Variants in SIPA1L3 observed in about 807,000 individuals in gnomAD.
The protein encoded by SIPA1L3 is signal-induced proliferation-associated 1-like protein 3.
In SIPA1L3, 59 loss-of-function variants were observed where a neutral mutation model predicts 150.1. That is an observed-to-expected ratio of 0.39 (90% CI 0.32 to 0.49). The LOEUF is 0.49. SIPA1L3 is among the 20% of genes least tolerant of loss of function. SIPA1L3 has a pLI of 0.86. For synonymous variants in SIPA1L3, 1,070 were observed against 1,077.6 expected (o/e 0.99, Z 0.14); for missense variants, 2,211 against 2,489.5 (o/e 0.89, Z 2.38).
At chr19:37,921,633 C>G (rs1282837932) in intron 1 of SIPA1L3, among the ~76,000 whole-genome samples, 1 of 149,732 alleles carries the variant, frequency 6.7e-6, no homozygotes, top group Non-Finnish European at 1.5e-5. Context: ...CAAGGTCTTG[C>G]TCTTTCACCC....
At position 38,046,183 on chromosome 19, in the gene SIPA1L3, C is replaced by A. The variant is rs1969053365; in HGVS notation, c.-311+17027C>A. On this transcript the variant is annotated intron_variant, in intron 2 of 21. Coordinates refer to ENST00000222345, the MANE Select transcript of SIPA1L3 (RefSeq NM_015073.3). The surrounding 1 kb of genome is among the most constrained non-coding windows in gnomAD (Gnocchi z 5.6). ...GGTGCCCTGGTTCTCGACTCATCAG[C>A]CTCTAGGAAAGAAGCAGCTTGCTGG... Among the ~76,000 whole-genome samples the A allele has an allele frequency of 6.6e-6, 1 of 152,104 alleles. No individual in the cohort carries two copies. The highest frequency in any genetic ancestry group is 2.1e-4 in the South Asian group (1 of 4,824).
chr19:38,197,019 T>C (rs573109013), intron 18 of SIPA1L3, among the ~76,000 whole-genome samples: 2 of 152,276 alleles, frequency 1.3e-5, no homozygotes, highest in South Asian at 4.1e-4. Context: ...ATACCTCATA[T>C]GTAGTCAGCA....
At chr19:38,178,331 C>T (rs1477060877) in intron 15 of SIPA1L3, among the ~76,000 whole-genome samples, 3 of 151,786 alleles carry the variant, frequency 2.0e-5, no homozygotes, top group Non-Finnish European at 2.9e-5. Flanking sequence ...AGCAAGACCC[C>T]GTCCCTAGAT....
intron 12 of SIPA1L3, among the ~76,000 whole-genome samples, chr19:38,150,297 CCCCTTGAAACACCTCT>C (rs1482078125): frequency 2.6e-5 from 4 of 152,026 alleles, no homozygotes; most frequent in Admixed American, 2.6e-4. Context: ...GAGTGCAGTG[CCCCTTGAAACACCTCT>C]CTACTGTGCT....
intron 1 of SIPA1L3, among the ~76,000 whole-genome samples, chr19:37,931,885 T>G (rs1444367675): frequency 6.6e-6 from 1 of 152,252 alleles, no homozygotes; most frequent in Admixed American, 6.5e-5. Flanking sequence ...TTCGTTGAAC[T>G]TCTCATCTGT....
At chr19:38,109,997 G>T (rs951089356) in intron 7 of SIPA1L3, 6 of 521,604 alleles carry the variant, frequency 1.2e-5, no homozygotes, top group Non-Finnish European at 1.0e-5. Context: ...GGGAACAGCG[G>T]TGCAGAGGCT....
intron 13 of SIPA1L3, among the ~76,000 whole-genome samples, chr19:38,157,825 G>A (rs987769663): frequency 6.6e-6 from 1 of 152,202 alleles, no homozygotes; most frequent in Non-Finnish European, 1.5e-5. Context: ...CTGGGCGCCA[G>A]GGATACCGGG....
chr19:38,154,039 C>A (rs1409149310), intron 13 of SIPA1L3, among the ~76,000 whole-genome samples: 2 of 152,178 alleles, frequency 1.3e-5, no homozygotes, highest in Non-Finnish European at 2.9e-5. Context: ...CTCTCCAAAC[C>A]CCCATTCCCC....
At chr19:38,024,887 A>G (rs1968466023) in intron 1 of SIPA1L3, among the ~76,000 whole-genome samples, 1 of 152,142 alleles carries the variant, frequency 6.6e-6, no homozygotes, top group Admixed American at 6.5e-5. Flanking sequence ...CTGCAAAGGG[A>G]AGTTAATGGT....
intron 10 of SIPA1L3, among the ~76,000 whole-genome samples, chr19:38,138,381 C>A (rs1416712961): frequency 6.6e-6 from 1 of 152,142 alleles, no homozygotes; most frequent in Non-Finnish European, 1.5e-5. Flanking sequence ...CTGATCAGGA[C>A]TCTGCGTACC....
intron 15 of SIPA1L3, among the ~76,000 whole-genome samples, chr19:38,169,999 A>G (rs1236260956): frequency 1.2e-3 from 159 of 135,008 alleles, no homozygotes; most frequent in African/African-American, 4.4e-3. Flanking sequence ...TGAGGGGCCC[A>G]GGTAGAGGGG....
At chr19:38,020,860 T>G (rs1158428528) in intron 1 of SIPA1L3, among the ~76,000 whole-genome samples, 1 of 152,070 alleles carries the variant, frequency 6.6e-6, no homozygotes. Context: ...CAGGCTGGAG[T>G]GCAGTGGCAC....
chr19:38,150,989 A>G (rs1345742362), intron 12 of SIPA1L3, among the ~76,000 whole-genome samples: 2 of 152,322 alleles, frequency 1.3e-5, no homozygotes, highest in African/African-American at 4.8e-5. Context: ...GGAGCAGGGC[A>G]GGTTCCAGGG....
chr19:38,057,133 T>C (rs1049353047), intron 2 of SIPA1L3, among the ~76,000 whole-genome samples: 3 of 151,988 alleles, frequency 2.0e-5, no homozygotes, highest in Non-Finnish European at 4.4e-5. Context: ...TAGTCAGGCA[T>C]GGTAGTGGGC....
At chr19:38,167,266 C>T (rs1278701260) in intron 15 of SIPA1L3, among the ~76,000 whole-genome samples, 1 of 148,026 alleles carries the variant, frequency 6.8e-6, no homozygotes, top group Non-Finnish European at 1.5e-5. Context: ...CAGTGGTTTC[C>T]AAAATAATTC....
At chr19:37,961,237 C>G (rs917976824) in intron 1 of SIPA1L3, among the ~76,000 whole-genome samples, 1 of 150,414 alleles carries the variant, frequency 6.6e-6, no homozygotes, top group Non-Finnish European at 1.5e-5. Context: ...CCAGGCTGGT[C>G]TCAAACTCCT....
chr19:37,997,461 G>A (rs765659472), intron 1 of SIPA1L3, among the ~76,000 whole-genome samples: 1 of 151,362 alleles, frequency 6.6e-6, no homozygotes, highest in Non-Finnish European at 1.5e-5. Flanking sequence ...TCAGCTACTC[G>A]GGAGGCTGAG....
intron 4 of SIPA1L3, among the ~76,000 whole-genome samples, chr19:38,095,549 C>T (rs151227444): frequency 1.3e-5 from 2 of 152,296 alleles, no homozygotes; most frequent in South Asian, 2.1e-4. Context: ...TGATTTGTTG[C>T]CCTCGACTAG....
intron 1 of SIPA1L3, among the ~76,000 whole-genome samples, chr19:37,974,268 C>T (rs1347374437): frequency 6.6e-6 from 1 of 152,102 alleles, no homozygotes. Flanking sequence ...CACCTGTAAT[C>T]CCAACACTTT....
Sources: allele counts gnomAD v4.1 joint callset (sites outside exome capture counted in the v4.1 genomes callset), GRCh38; gene constraint gnomAD v4.1.1; non-coding constraint Gnocchi (gnomAD v3.1); transcripts MANE v1.5; gene names NCBI Gene and HGNC (gene_info 2026-07-23, HGNC 2026-07-21).